Variants in CBLB observed in about 807,000 individuals in gnomAD.
CBLB encodes E3 ubiquitin-protein ligase CBL-B.
In CBLB, 31 loss-of-function variants were observed where a neutral mutation model predicts 104.9. That is an observed-to-expected ratio of 0.30 (90% CI 0.22 to 0.40). The LOEUF (loss-of-function observed/expected upper bound fraction) is 0.40, where lower values mean the gene tolerates loss of function less well. Ranked by LOEUF, CBLB falls within the 10% of genes least tolerant of loss-of-function variation. The pLI, the probability that CBLB is intolerant of heterozygous loss-of-function variation, is 1.00. For missense variants in CBLB, 1,062 were observed against 1,214.6 expected (o/e 0.87, Z 1.87); for synonymous variants, 440 against 422.6 (o/e 1.04, Z -0.51).
rs1374730042 is a variant in CBLB, at chr3:105,665,430, TATATATATATATAC to T, written c.2689+4789_2689+4802del. On this transcript the variant is annotated intron_variant, in intron 18 of 18. Transcript: ENST00000394030. Reference sequence around the variant, plus strand: ...ATAAATAAATAAATATATATATATATATATATATATATACACACACACACACATATATATACACA... The same window carrying T: ...ATAAATAAATAAATATATATATATATACACACACACACATATATATACACA... Among the ~76,000 whole-genome samples, 18 of 128,964 alleles carry T rather than the reference TATATATATATATAC, an allele frequency of 1.4e-4. No homozygotes were observed. The East Asian group carries it at 1.6e-3, about 11-fold the overall frequency. 84.6% of individuals were successfully genotyped at this position (128,964 alleles called of 152,430 possible). A position where few individuals can be genotyped will look rare whatever the true frequency, so the allele number is the denominator to read the frequency against.
chr3:105,680,110 G>GA (rs2066135355), intron 16 of CBLB, among the ~76,000 whole-genome samples: 1 of 152,160 alleles, frequency 6.6e-6, no homozygotes, highest in African/African-American at 2.4e-5. Flanking sequence ...TCCCATAAAA[G>GA]AGACATATGC....
intron 4 of CBLB, among the ~76,000 whole-genome samples, chr3:105,769,634 G>T (rs952779349): frequency 6.6e-6 from 1 of 152,122 alleles, no homozygotes; most frequent in East Asian, 1.9e-4. Context: ...AGACAATGAG[G>T]AGTAAAAAAT....
chr3:105,776,761 C>G (rs2079530501), intron 3 of CBLB, among the ~76,000 whole-genome samples: 1 of 151,728 alleles, frequency 6.6e-6, no homozygotes, highest in Admixed American at 6.6e-5. Flanking sequence ...TATTAGTTAT[C>G]CATGTATTCA....
At chr3:105,666,763 T>C (rs1179533884) in intron 18 of CBLB, among the ~76,000 whole-genome samples, 1 of 152,148 alleles carries the variant, frequency 6.6e-6, no homozygotes, top group Non-Finnish European at 1.5e-5. Flanking sequence ...TCACATACAC[T>C]GTTTTAAATA....
At chr3:105,692,047 G>A (rs1005289722) in intron 13 of CBLB, among the ~76,000 whole-genome samples, 1 of 152,160 alleles carries the variant, frequency 6.6e-6, no homozygotes, top group East Asian at 1.9e-4. Context: ...AAAGTAGACT[G>A]TAAATTTCTG....
intron 18 of CBLB, among the ~76,000 whole-genome samples, chr3:105,667,620 T>C (rs1293655756): frequency 1.1e-4 from 17 of 152,186 alleles, no homozygotes; most frequent in Admixed American, 2.0e-4. Flanking sequence ...TTGGGAGGAA[T>C]AAACATTTAG....
At chr3:105,727,012 T>C (rs1215808268) in intron 9 of CBLB, among the ~76,000 whole-genome samples, 2 of 152,236 alleles carry the variant, frequency 1.3e-5, no homozygotes, top group African/African-American at 2.4e-5. Context: ...ACAATAAACA[T>C]ACATGTGAAT....
rs927659725 is a variant in CBLB at position 105,775,915 on chromosome 3, C to T, written c.566+481G>A. On this transcript the variant is annotated intron_variant, in intron 4 of 18. Transcript: ENST00000394030. The stretch of plus-strand genomic sequence containing the variant: ...AGGGTGCCAGGGCCTTCTCTCACCT[C>T]GATTTCAGACCTTAACCAAGCTTAA... Among the ~76,000 whole-genome samples the T allele has an allele frequency of 2.8e-4, 43 of 152,146 alleles. 1 individual carries two copies. The highest frequency in any genetic ancestry group is 2.6e-3 in the Admixed American group (40 of 15,276).
At chr3:105,743,787 G>GT (rs149488322) in intron 6 of CBLB, among the ~76,000 whole-genome samples, 42 of 146,388 alleles carry the variant, frequency 2.9e-4, no homozygotes, top group Middle Eastern at 3.6e-3. Flanking sequence ...ATTTGTTACA[G>GT]TTTTTTTTTT....
chr3:105,741,229 C>A (rs1435949722), intron 6 of CBLB, among the ~76,000 whole-genome samples: 2 of 151,154 alleles, frequency 1.3e-5, no homozygotes, highest in Non-Finnish European at 2.9e-5. Flanking sequence ...CACTCTATCA[C>A]CCAGGCTGTA....
intron 9 of CBLB, among the ~76,000 whole-genome samples, chr3:105,726,691 T>C (rs1410842984): frequency 6.6e-6 from 1 of 152,162 alleles, no homozygotes; most frequent in Non-Finnish European, 1.5e-5. Flanking sequence ...CTCCTAAAGC[T>C]ATCCCTCCCC....
In CBLB at chr3:105,838,912, G is replaced by A. The variant is rs146824436; in HGVS notation, c.419+14502C>T. On this transcript the variant is annotated intron_variant, in intron 3 of 18. Coordinates refer to ENST00000394030, the MANE Select transcript of CBLB (RefSeq NM_170662.5). ...ATTACAGGCATGAGCCATCACGCCCGGCCCCCTCTTCTAAGTGACTCGAGA... is the reference window on the plus strand; with the variant it reads ...ATTACAGGCATGAGCCATCACGCCCAGCCCCCTCTTCTAAGTGACTCGAGA... 2.2e-4 allele frequency among the ~76,000 whole-genome samples: 34 copies of A among 152,174 alleles called. 1 individual carries two copies. Among genetic ancestry groups the A allele is most frequent in the Non-Finnish European group, 4.1e-4 (28 of 68,010 alleles).
At chr3:105,786,962 T>G (rs535074451) in intron 3 of CBLB, among the ~76,000 whole-genome samples, 2 of 152,322 alleles carry the variant, frequency 1.3e-5, no homozygotes, top group Admixed American at 1.3e-4. Context: ...ATATGCATGA[T>G]AACAGTTCAA....
At chr3:105,677,567 T>C (rs931524902) in intron 17 of CBLB, among the ~76,000 whole-genome samples, 1 of 151,754 alleles carries the variant, frequency 6.6e-6, no homozygotes, top group Non-Finnish European at 1.5e-5. Flanking sequence ...CTTTACCCTG[T>C]ATTTTCCCAA....
intron 3 of CBLB, among the ~76,000 whole-genome samples, chr3:105,841,558 T>C (rs1447160623): frequency 6.6e-6 from 1 of 151,864 alleles, no homozygotes; most frequent in Non-Finnish European, 1.5e-5. Context: ...ATTCACGCCA[T>C]TCTCCTGCCT....
rs545593496 is a variant in CBLB, at chr3:105,867,519, C to T, written c.59G>A (p.Gly20Asp). 66 of 1,614,078 alleles carry T rather than the reference C, an allele frequency of 4.1e-5. No homozygotes were observed. The Admixed American group carries it at 8.7e-4, about 21-fold the overall frequency. Reference protein sequence around the residue: ...PGGRGGNPRKGRILGIIDAIQ... With the variant: ...PGGRGGNPRKDRILGIIDAIQ... ...AGCATCAATAATACCCAAAATTCGA[C>T]CTTTTCGGGGATTTCCTCCTCGACC... is the stretch of plus-strand genomic sequence containing the variant. Residue 20 changes from glycine to aspartate, a missense_variant, in exon 2 of 19, where the codon GGT becomes GAT. This residue lies in a region of CBLB where 457 missense variants were observed against 632.0 expected (regional missense o/e 0.72). Transcript: ENST00000394030.
intron 14 of CBLB, among the ~76,000 whole-genome samples, chr3:105,684,959 G>A (rs756938159): frequency 2.1e-4 from 32 of 152,264 alleles, no homozygotes; most frequent in Middle Eastern, 6.8e-3. Flanking sequence ...TTCAAAATCT[G>A]AATAGAAGTA....
At chr3:105,853,816 T>C (rs2091257586) in intron 2 of CBLB, 152 bp from the exon 3 acceptor site, 2 of 610,066 alleles carry the variant, frequency 3.3e-6, no homozygotes, top group Admixed American at 3.0e-5. Flanking sequence ...GATAGTCACG[T>C]TTGTCATAAT....
At chr3:105,834,879 G>A (rs568071501) in intron 3 of CBLB, among the ~76,000 whole-genome samples, 28 of 152,288 alleles carry the variant, frequency 1.8e-4, no homozygotes, top group African/African-American at 5.3e-4. Flanking sequence ...AAATGCTGCA[G>A]TCTCAAAGGA....
Sources: gnomAD v4.1 joint callset for allele counts (sites outside exome capture counted in the v4.1 genomes callset) on GRCh38, gnomAD v4.1.1 for gene constraint, gnomAD v4.1.1 regional missense constraint, MANE v1.5 for transcripts, NCBI Gene and HGNC (gene_info 2026-07-23, HGNC 2026-07-21) for gene names.